MACROD2: variants seen among roughly 807,000 people sequenced by gnomAD.
MACROD2 encodes the protein ADP-ribose glycohydrolase MACROD2.
Under a neutral mutation model 70.4 loss-of-function variants are expected in MACROD2, and 36 were observed. That is an observed-to-expected ratio of 0.51 (90% confidence interval 0.39 to 0.68). The LOEUF is 0.68. Among genes scored for constraint, MACROD2 ranks in the 30% least tolerant of loss-of-function variants. The pLI is 0.00. For missense variants in MACROD2, 496 were observed against 538.4 expected, an observed-to-expected ratio of 0.92 and a Z score of 0.78; for synonymous variants, 172 against 178.8, an observed-to-expected ratio of 0.96 and a Z score of 0.30.
chr20:14,290,665 A>C (rs1200030173), intron 3 of MACROD2, among the ~76,000 whole-genome samples: 3 of 152,106 alleles, frequency 2.0e-5, no homozygotes, highest in African/African-American at 4.8e-5. Context: ...ATGTGCCACC[A>C]CACCTGGCTA....
At chr20:15,655,819 T>C (rs1440636827) in intron 8 of MACROD2, among the ~76,000 whole-genome samples, 1 of 152,210 alleles carries the variant, frequency 6.6e-6, no homozygotes, top group Non-Finnish European at 1.5e-5. Context: ...CTGGAAGGCT[T>C]GCTCCTGAAT....
At chr20:15,435,076 A>G (rs2046411010) in intron 7 of MACROD2, among the ~76,000 whole-genome samples, 1 of 152,082 alleles carries the variant, frequency 6.6e-6, no homozygotes, top group African/African-American at 2.4e-5. Flanking sequence ...TGCAGTGTAC[A>G]CTGCTTGGGT....
At chr20:14,965,502 C>T (rs1212901092) in intron 5 of MACROD2, among the ~76,000 whole-genome samples, 1 of 141,594 alleles carries the variant, frequency 7.1e-6, no homozygotes. Flanking sequence ...TCTCAGTCCC[C>T]CAGGCTGGAG....
At chr20:14,637,839 A>G (rs148893590) in intron 4 of MACROD2, among the ~76,000 whole-genome samples, 7 of 152,242 alleles carry the variant, frequency 4.6e-5, no homozygotes, top group Admixed American at 2.0e-4. Flanking sequence ...AGAGATTGCA[A>G]TCTCCTTTCC....
chr20:14,240,043 T>C (rs531739326), intron 3 of MACROD2, among the ~76,000 whole-genome samples: 1 of 152,284 alleles, frequency 6.6e-6, no homozygotes, highest in South Asian at 2.1e-4. Context: ...ATAAATACTT[T>C]TCTAAAGAAG....
At chr20:14,933,452 G>T (rs1013620245) in intron 5 of MACROD2, among the ~76,000 whole-genome samples, 5 of 151,980 alleles carry the variant, frequency 3.3e-5, no homozygotes, top group Non-Finnish European at 7.4e-5. Context: ...AGCCAAGGTG[G>T]GTAGATCACT....
intron 6 of MACROD2, among the ~76,000 whole-genome samples, chr20:15,359,552 A>C (rs986653984): frequency 6.6e-6 from 1 of 151,532 alleles, no homozygotes; most frequent in African/African-American, 2.4e-5. Flanking sequence ...GAAATTAATA[A>C]ATTTTATTAA....
intron 12 of MACROD2, among the ~76,000 whole-genome samples, chr20:15,939,040 A>G (rs1193070204): frequency 1.3e-5 from 2 of 152,228 alleles, no homozygotes; most frequent in Non-Finnish European, 2.9e-5. Context: ...CTGCAAAAGG[A>G]AAGTTGGACG....
At chr20:15,644,661 G>A (rs1006734264) in intron 8 of MACROD2, among the ~76,000 whole-genome samples, 1 of 152,076 alleles carries the variant, frequency 6.6e-6, no homozygotes, top group Non-Finnish European at 1.5e-5. Context: ...TTGAAAGATG[G>A]GTGATCTATC....
chr20:14,743,275 T>C (rs377544989), intron 5 of MACROD2, among the ~76,000 whole-genome samples: 1 of 152,100 alleles, frequency 6.6e-6, no homozygotes, highest in East Asian at 1.9e-4. Flanking sequence ...CCTGTGAATA[T>C]TACCTTACAT....
intron 3 of MACROD2, among the ~76,000 whole-genome samples, chr20:14,211,501 C>A (rs2081570501): frequency 6.6e-6 from 1 of 152,142 alleles, no homozygotes. Context: ...AGGGAAAATG[C>A]TAGATAGCTT....
chr20:16,039,505 GC>G (rs1167006043), intron 15 of MACROD2, among the ~76,000 whole-genome samples: 4 of 151,524 alleles, frequency 2.6e-5, no homozygotes, highest in African/African-American at 9.7e-5. Context: ...TCAATTTGTA[GC>G]TTTTTAAACA....
intron 3 of MACROD2, among the ~76,000 whole-genome samples, chr20:14,385,226 A>G (rs1460432762): frequency 1.3e-5 from 2 of 152,178 alleles, no homozygotes; most frequent in African/African-American, 4.8e-5. Flanking sequence ...AGATAGAATA[A>G]TCATTTAAAT....
At chr20:14,598,964 G>A (rs1214658454) in intron 4 of MACROD2, among the ~76,000 whole-genome samples, 2 of 151,918 alleles carry the variant, frequency 1.3e-5, no homozygotes, top group African/African-American at 4.8e-5. Flanking sequence ...TTGGATATTG[G>A]CTATATTTAC....
chr20:15,876,284 G>A (rs2064672253), intron 9 of MACROD2, among the ~76,000 whole-genome samples: 1 of 151,576 alleles, frequency 6.6e-6, no homozygotes, highest in Non-Finnish European at 1.5e-5. Flanking sequence ...CCAATAGCAG[G>A]CCCCAGTGTG....
chr20:14,343,211 C>G (rs1423903299), intron 3 of MACROD2, among the ~76,000 whole-genome samples: 1 of 150,992 alleles, frequency 6.6e-6, no homozygotes, highest in Non-Finnish European at 1.5e-5. Flanking sequence ...TCCCCAGTGC[C>G]CTGTCCCCTT....
intron 5 of MACROD2, among the ~76,000 whole-genome samples, chr20:14,862,852 C>T (rs1361616843): frequency 1.3e-5 from 2 of 148,700 alleles, no homozygotes; most frequent in Non-Finnish European, 3.0e-5. Flanking sequence ...GTTGAGTTGG[C>T]ATACCTACTG....
At chr20:15,573,324 G>T (rs1040707766) in intron 8 of MACROD2, among the ~76,000 whole-genome samples, 2 of 151,930 alleles carry the variant, frequency 1.3e-5, no homozygotes, top group African/African-American at 2.4e-5. Context: ...CTATTGTTTT[G>T]CTTTTTCCCC....
chr20:15,679,130 G>C (rs1203140065), intron 8 of MACROD2, among the ~76,000 whole-genome samples: 1 of 151,924 alleles, frequency 6.6e-6, no homozygotes, highest in Admixed American at 6.6e-5. Flanking sequence ...CTGGCTGCTT[G>C]GGAGGCTAAG....
Sources: allele counts gnomAD v4.1 joint callset (sites outside exome capture counted in the v4.1 genomes callset), GRCh38; gene constraint gnomAD v4.1.1; transcripts MANE v1.5; gene names NCBI Gene and HGNC (gene_info 2026-07-23, HGNC 2026-07-21).